MCTP2: variants seen among roughly 807,000 people sequenced by gnomAD.
MCTP2 encodes multiple C2 and transmembrane domain-containing protein 2.
A neutral mutation model predicts 111.6 loss-of-function variants in MCTP2; 132 were observed. That is an observed-to-expected ratio of 1.18 (90% CI 1.03 to 1.37). The LOEUF is 1.37. Ranked by LOEUF, MCTP2 falls within the 40% of genes most tolerant of loss-of-function variation. The pLI is 0.00. For synonymous variants in MCTP2, 395 were observed against 387.7 expected, an observed-to-expected ratio of 1.02 and a Z score of -0.22; for missense variants, 1,183 against 1,067.9, an observed-to-expected ratio of 1.11 and a Z score of -1.50.
chr15:94,424,087 C>A (rs982584538), intron 17 of MCTP2, among the ~76,000 whole-genome samples: 1 of 152,120 alleles, frequency 6.6e-6, no homozygotes, highest in Non-Finnish European at 1.5e-5. Context: ...TGTCTTTCAA[C>A]AATGTGTTCA....
At chr15:94,387,992 T>A (rs1189314722) in intron 14 of MCTP2, among the ~76,000 whole-genome samples, 2 of 152,110 alleles carry the variant, frequency 1.3e-5, no homozygotes, top group African/African-American at 4.8e-5. Context: ...CCAGTATAGA[T>A]TGATCAAGTG....
intron 17 of MCTP2, among the ~76,000 whole-genome samples, chr15:94,427,764 T>G (rs2082965160): frequency 6.6e-6 from 1 of 152,202 alleles, no homozygotes; most frequent in South Asian, 2.1e-4. Context: ...CATTTGTTTT[T>G]GATCCTGTCT....
At chr15:94,315,726 C>A in intron 4 of MCTP2, 89 bp downstream of exon 4, 2 of 926,548 alleles carry the variant, frequency 2.2e-6, no homozygotes, top group Non-Finnish European at 3.5e-6. Context: ...GCTTTGACAT[C>A]ACAGCATGGT....
chr15:94,451,543 A>G (rs1249187692), intron 19 of MCTP2, among the ~76,000 whole-genome samples: 1 of 152,226 alleles, frequency 6.6e-6, no homozygotes, highest in Non-Finnish European at 1.5e-5. Flanking sequence ...TATTTTTATT[A>G]CACATTTCCC....
At chr15:94,243,192 T>TATACGTATGCGTATATACGTATATAC (rs1238174408) in intron 1 of MCTP2, among the ~76,000 whole-genome samples, 2 of 147,832 alleles carry the variant, frequency 1.4e-5, no homozygotes, top group African/African-American at 5.0e-5. Flanking sequence ...CGTATGCGTA[T>TATACGTATGCGTATATACGTATATAC]ATACGTATGC....
chr15:94,478,990 T>C lies in MCTP2; in HGVS notation c.2593T>C (p.Cys865Arg). The change falls in exon 23 of 23, where the codon TGC becomes CGC. Residue 865 changes from cysteine (C) to arginine (R), a missense_variant. Coordinates refer to ENST00000357742, the MANE Select transcript of MCTP2 (RefSeq NM_001385001.1). Reference sequence around the variant, plus strand: ...GGTGCAGTATGCAGAATTGAAACTCTGCAGCAGCCACAGCCCCCTGCGGAA... The same window carrying C: ...GGTGCAGTATGCAGAATTGAAACTCCGCAGCAGCCACAGCCCCCTGCGGAA... ...QKVQYAELKL[C>R]SSHSPLRKKR... 6.2e-7 allele frequency: 1 copy of C among 1,614,102 alleles called. No homozygotes were observed. The highest frequency in any genetic ancestry group is 1.1e-5 in the South Asian group (1 of 91,082).
chr15:94,390,964 A>G (rs958814168), intron 14 of MCTP2, among the ~76,000 whole-genome samples: 1 of 152,042 alleles, frequency 6.6e-6, no homozygotes. Flanking sequence ...TACTGACCTC[A>G]GGTGTTCTGC....
chr15:94,273,368 G>A (rs2074014929), intron 1 of MCTP2: 1 of 152,206 alleles, frequency 6.6e-6, no homozygotes, highest in Non-Finnish European at 1.5e-5. Context: ...CAGCAATTAG[G>A]CTAGAAGTCA....
chr15:94,466,461 CACTGGTAGCATAAACTG>C (rs929242871), intron 20 of MCTP2, among the ~76,000 whole-genome samples: 5 of 152,142 alleles, frequency 3.3e-5, no homozygotes, highest in African/African-American at 1.2e-4. Flanking sequence ...TTTCAAGCAA[CACTGGTAGCATAAACTG>C]AAATGATAGA....
intron 12 of MCTP2, among the ~76,000 whole-genome samples, chr15:94,375,567 A>AAAAC (rs796639035): frequency 1.3e-5 from 2 of 152,242 alleles, no homozygotes; most frequent in African/African-American, 2.4e-5. Context: ...TTTGCCATTA[A>AAAAC]AAACAAACAA....
intron 8 of MCTP2, among the ~76,000 whole-genome samples, chr15:94,348,192 C>A (rs1240632975): frequency 6.6e-6 from 1 of 151,536 alleles, no homozygotes; most frequent in African/African-American, 2.4e-5. Flanking sequence ...GTTTTATATT[C>A]TTTTATTTTG....
intron 1 of MCTP2, among the ~76,000 whole-genome samples, chr15:94,285,549 G>A (rs954910665): frequency 1.3e-5 from 2 of 151,982 alleles, no homozygotes; most frequent in Non-Finnish European, 2.9e-5. Context: ...AACTTCGTTA[G>A]GGTTCACTTA....
At chr15:94,435,500 A>G (rs2083420419) in intron 17 of MCTP2, among the ~76,000 whole-genome samples, 1 of 151,902 alleles carries the variant, frequency 6.6e-6, no homozygotes, top group African/African-American at 2.4e-5. Context: ...CGATATTTTA[A>G]TAATAACTTT....
At chr15:94,247,349 G>C (rs1172153851) in intron 1 of MCTP2, among the ~76,000 whole-genome samples, 1 of 152,084 alleles carries the variant, frequency 6.6e-6, no homozygotes, top group Non-Finnish European at 1.5e-5. Context: ...GGATCCTCAG[G>C]ATTGTAAAGG....
At chr15:94,330,254 C>T (rs992898192) in intron 4 of MCTP2, among the ~76,000 whole-genome samples, 1 of 152,024 alleles carries the variant, frequency 6.6e-6, no homozygotes, top group African/African-American at 2.4e-5. Flanking sequence ...AATTTTGGTC[C>T]TGTTCTATTT....
chr15:94,254,219 C>G (rs890484732), intron 1 of MCTP2, among the ~76,000 whole-genome samples: 1 of 152,170 alleles, frequency 6.6e-6, no homozygotes, highest in South Asian at 2.1e-4. Flanking sequence ...TTGTGATGCA[C>G]TAATAATTAT....
intron 19 of MCTP2, among the ~76,000 whole-genome samples, chr15:94,456,005 AT>A (rs2084813932): frequency 6.6e-6 from 1 of 152,198 alleles, no homozygotes; most frequent in South Asian, 2.1e-4. Context: ...ACAAAAATCT[AT>A]TTTTTATTTG....
intron 19 of MCTP2, among the ~76,000 whole-genome samples, chr15:94,454,382 A>G (rs1167351127): frequency 3.9e-5 from 6 of 152,202 alleles, no homozygotes; most frequent in Non-Finnish European, 7.3e-5. Context: ...ATAATGTTCC[A>G]CCACTTGCAA....
chr15:94,277,224 T>A (rs1292518857), intron 1 of MCTP2, among the ~76,000 whole-genome samples: 2 of 152,192 alleles, frequency 1.3e-5, no homozygotes, highest in African/African-American at 2.4e-5. Flanking sequence ...TATCAAAATA[T>A]GGGCAAGATG....
Sources: allele counts gnomAD v4.1 joint callset (sites outside exome capture counted in the v4.1 genomes callset), GRCh38; gene constraint gnomAD v4.1.1; transcripts MANE v1.5; gene names NCBI Gene and HGNC (gene_info 2026-07-23, HGNC 2026-07-21).